The following MS4A4E variants were observed in gnomAD, a reference collection of about 807,000 sequenced individuals.
The protein encoded by MS4A4E is putative membrane-spanning 4-domains subfamily A member 4E.
A neutral mutation model predicts 13.3 loss-of-function variants in MS4A4E; 23 were observed. The observed-to-expected ratio is 1.73, with a 90% CI of 1.25 to 2.45. The LOEUF is 2.45. MS4A4E is among the 30% of genes most tolerant of loss of function. MS4A4E has a pLI of 0.00. For missense variants in MS4A4E, 144 were observed against 131.2 expected (o/e 1.10, Z -0.48); for synonymous variants, 36 against 45.6 (o/e 0.79, Z 0.85).
rs922183303 is a variant in MS4A4E, at chr11:60,227,858, C to CA, written c.178+735dup. ...AATACAATTAGAAGAATAGTCTTTCCAAAAAAAAAATACTACTTAAAAAAC... is the reference window on the plus strand; with the variant it reads ...AATACAATTAGAAGAATAGTCTTTCCAAAAAAAAAAATACTACTTAAAAAAC... On this transcript the variant is annotated intron_variant, in intron 3 of 8. Coordinates refer to ENST00000651255, the MANE Select transcript of MS4A4E (RefSeq NM_001393391.1). Among the ~76,000 whole-genome samples, 1,360 of 146,438 alleles carry CA rather than the reference C, an allele frequency of 9.3e-3. 14 individuals carry two copies. The highest frequency in any genetic ancestry group is 0.031 in the African/African-American group (1,237 of 40,154).
chr11:60,218,146 C>A (rs191151764), intron 3 of MS4A4E, among the ~76,000 whole-genome samples: 1 of 152,118 alleles, frequency 6.6e-6, no homozygotes, highest in African/African-American at 2.4e-5. Context: ...GTGAAATAGA[C>A]CCCAGTCTCC....
At chr11:60,202,331 A>G (rs1171477463) in intron 8 of MS4A4E, among the ~76,000 whole-genome samples, 2 of 152,226 alleles carry the variant, frequency 1.3e-5, no homozygotes, top group South Asian at 2.1e-4. Flanking sequence ...GGTGCTATGA[A>G]TGTGTTTACA....
intron 3 of MS4A4E, among the ~76,000 whole-genome samples, chr11:60,220,962 C>T (rs2084263064): frequency 6.6e-6 from 1 of 152,152 alleles, no homozygotes; most frequent in Non-Finnish European, 1.5e-5. Flanking sequence ...GCAAGTTGCT[C>T]TGTCACTTGG....
At chr11:60,235,228 G>A (rs955453143) in intron 1 of MS4A4E, among the ~76,000 whole-genome samples, 6 of 152,150 alleles carry the variant, frequency 3.9e-5, no homozygotes, top group African/African-American at 1.4e-4. Flanking sequence ...AAGTAGCTGG[G>A]ATTACAGGTG....
intron 3 of MS4A4E, among the ~76,000 whole-genome samples, chr11:60,223,007 C>T (rs1214156018): frequency 6.6e-6 from 1 of 151,880 alleles, no homozygotes; most frequent in Non-Finnish European, 1.5e-5. Flanking sequence ...ACAAATGGCC[C>T]AGACTAGGCC....
intron 3 of MS4A4E, among the ~76,000 whole-genome samples, chr11:60,217,835 A>AT (rs1399351519): frequency 6.6e-6 from 1 of 152,170 alleles, no homozygotes; most frequent in Non-Finnish European, 1.5e-5. Context: ...TAATAATTGC[A>AT]TTAACTGCAC....
chr11:60,214,266 C>T (rs1044011925), intron 4 of MS4A4E, among the ~76,000 whole-genome samples: 3 of 152,144 alleles, frequency 2.0e-5, no homozygotes, highest in Non-Finnish European at 4.4e-5. Context: ...CTTGGTGTGA[C>T]TGTCATGGGC....
intron 3 of MS4A4E, among the ~76,000 whole-genome samples, chr11:60,228,085 G>T (rs575817602): frequency 6.6e-6 from 1 of 151,980 alleles, no homozygotes; most frequent in African/African-American, 2.4e-5. Context: ...ATGAAATACC[G>T]AATTAATCAT....
At chr11:60,222,957 G>A (rs187782603) in intron 3 of MS4A4E, among the ~76,000 whole-genome samples, 3 of 152,160 alleles carry the variant, frequency 2.0e-5, no homozygotes, top group Admixed American at 6.5e-5. Context: ...CTATGATTAA[G>A]GTCAATGGGA....
chr11:60,231,872 C>T (rs962796834), intron 1 of MS4A4E, among the ~76,000 whole-genome samples: 2 of 151,766 alleles, frequency 1.3e-5, no homozygotes, highest in Admixed American at 6.6e-5. Flanking sequence ...CCAAGAAGTC[C>T]CACAGATTAG....
Position 60,242,872 on chromosome 11 carries a change from C to T in MS4A4E, c.-17+86G>A. 6.1e-6 allele frequency: 6 copies of T among 986,670 alleles called. No individual in the cohort carries two copies. In the Admixed American group the frequency reaches 1.1e-4, roughly 18 times the overall value. The allele number at this position is 986,670 out of a possible 1,614,324, so 61.1% of individuals were successfully genotyped here. ...ATGGGAAGTGACCTCATTTTTTTTT[C>T]TCACTCCACTCCCAGAAATCCTAAA... is the stretch of plus-strand genomic sequence containing the variant. On this transcript the variant is annotated intron_variant, in intron 1 of 8. Transcript: ENST00000651255.
chr11:60,206,188 G>A (rs2084039361), intron 6 of MS4A4E, among the ~76,000 whole-genome samples: 1 of 152,038 alleles, frequency 6.6e-6, no homozygotes, highest in Non-Finnish European at 1.5e-5. Flanking sequence ...AAAAAGTCAA[G>A]TAAGTGAGAG....
chr11:60,203,639 C>T (rs1401493693), intron 8 of MS4A4E, among the ~76,000 whole-genome samples: 3 of 152,084 alleles, frequency 2.0e-5, no homozygotes, highest in Admixed American at 2.0e-4. Context: ...AGCCCAGCTA[C>T]TTGGGAGGCT....
In MS4A4E at chr11:60,228,585, C is replaced by T. The variant is rs1265328768; in HGVS notation, c.178+9G>A. Reference sequence around the variant, plus strand: ...TACTCTTACAATACAATATAGTAATCATACTTACCCGAATGAGTTGAAAAC... The same window carrying T: ...TACTCTTACAATACAATATAGTAATTATACTTACCCGAATGAGTTGAAAAC... On this transcript the variant is annotated intron_variant, in intron 3 of 8. Coordinates refer to ENST00000651255, the MANE Select transcript of MS4A4E (RefSeq NM_001393391.1). 1 of 696,524 alleles carries T rather than the reference C, an allele frequency of 1.4e-6. No individual in the cohort carries two copies. Among genetic ancestry groups the T allele is most frequent in the South Asian group, 1.5e-5 (1 of 65,558 alleles). The allele number at this position is 696,524 out of a possible 1,614,324, so 43.1% of individuals were successfully genotyped here. A position where few individuals can be genotyped will look rare whatever the true frequency, so the allele number is the denominator to read the frequency against.
At chr11:60,213,278 G>A (rs1395825192) in intron 4 of MS4A4E, 146 bp from the exon 5 acceptor site, 21 of 1,534,422 alleles carry the variant, frequency 1.4e-5, no homozygotes, top group Admixed American at 3.9e-5. Context: ...CTGATCTCTC[G>A]CCAAAACACA....
intron 1 of MS4A4E, among the ~76,000 whole-genome samples, chr11:60,236,483 T>C (rs1216945934): frequency 6.6e-6 from 1 of 152,130 alleles, no homozygotes; most frequent in African/African-American, 2.4e-5. Context: ...TTTTAACATT[T>C]TGTAGTATTC....
rs181463485 is a variant in MS4A4E, at chr11:60,227,353, C to T, written c.178+1241G>A. ...GATCACGAGGTCAGGAGATTGAGACCATCCTGGCTAACATGGTGAAACCCC... is the reference window on the plus strand; with the variant it reads ...GATCACGAGGTCAGGAGATTGAGACTATCCTGGCTAACATGGTGAAACCCC... On this transcript the variant is annotated intron_variant, in intron 3 of 8. Coordinates refer to ENST00000651255, the MANE Select transcript of MS4A4E (RefSeq NM_001393391.1). 2.7e-3 allele frequency among the ~76,000 whole-genome samples: 406 copies of T among 152,158 alleles called. 1 individual carries two copies. The highest frequency in any genetic ancestry group is 9.5e-3 in the African/African-American group (393 of 41,514).
At chr11:60,224,946 C>A (rs769295729) in intron 3 of MS4A4E, 10 of 1,487,208 alleles carry the variant, frequency 6.7e-6, no homozygotes, top group South Asian at 6.5e-5. Flanking sequence ...CCAATTATAT[C>A]AAAAAATACC....
At chr11:60,202,880 A>C (rs1443142274) in intron 8 of MS4A4E, among the ~76,000 whole-genome samples, 6 of 152,224 alleles carry the variant, frequency 3.9e-5, no homozygotes, top group Admixed American at 2.0e-4. Context: ...CAATGACTGG[A>C]AAATAGGTTT....
Sources: gnomAD v4.1 joint callset for allele counts (sites outside exome capture counted in the v4.1 genomes callset) on GRCh38, gnomAD v4.1.1 for gene constraint, MANE v1.5 for transcripts, NCBI Gene and HGNC (gene_info 2026-07-23, HGNC 2026-07-21) for gene names.